Variants in SELENOH observed in about 807,000 individuals in gnomAD.
The protein encoded by SELENOH is selenoprotein H, also known as chromosome 11 open reading frame 31.
In SELENOH, 13 loss-of-function variants were observed where a neutral mutation model predicts 11.9. The ratio of observed to expected loss-of-function variants is 1.09; its 90% CI spans 0.71 to 1.74. The LOEUF (loss-of-function observed/expected upper bound fraction) is 1.74. SELENOH is among the 40% of genes most tolerant of loss of function. SELENOH has a pLI of 0.00. For missense variants in SELENOH, 223 were observed against 170.3 expected (o/e 1.31, Z -1.72); for synonymous variants, 96 against 73.5 (o/e 1.31, Z -1.56).
rs377525426 is a variant in SELENOH, at chr11:57,741,793, C to T, written c.123-16C>T. 1.0e-5 allele frequency: 16 copies of T among 1,603,752 alleles called. No individual in the cohort carries two copies. The highest frequency in any genetic ancestry group is 1.7e-5 in the Admixed American group (1 of 58,492). On this transcript the variant is annotated splice_polypyrimidine_tract_variant and intron_variant, in intron 1 of 3. Coordinates refer to ENST00000534355, the MANE Select transcript of SELENOH (RefSeq NM_170746.4). ...GGCCAGGGGCCCCGGTTTCTAACCTCTCCGTCTCTCCCTAGCACTAGCTGA... is the reference window on the plus strand; with the variant it reads ...GGCCAGGGGCCCCGGTTTCTAACCTTTCCGTCTCTCCCTAGCACTAGCTGA...
intron 2 of SELENOH, 68 bp downstream of exon 2, chr11:57,742,022 A>C: frequency 6.3e-7 from 1 of 1,580,754 alleles, no homozygotes; most frequent in Non-Finnish European, 8.6e-7. Context: ...GAAGACAGGA[A>C]GCGCTATTCT....
rs765595366 is a variant in SELENOH, at chr11:57,741,599, G to C, written c.4G>C (p.Ala2Pro). Reference protein sequence around the residue: MAPRGRKRKAEA... With the variant: MPPRGRKRKAEA... ...TCTCGGCCGGGCTCTAGGCGCCATG[G>C]CTCCCCGCGGGAGGAAGCGTAAGGC... The change falls in exon 1 of 4, where the codon GCT (alanine) becomes CCT (proline). Residue 2 changes from alanine to proline, a missense_variant. By Grantham distance (27) the Ala-to-Pro change is conservative. Transcript: ENST00000534355. The C allele has an allele frequency of 2.4e-6, 3 of 1,269,298 alleles. No individual in the cohort carries two copies. The highest frequency in any genetic ancestry group is 3.1e-5 in the African/African-American group (2 of 65,214). The allele number at this position is 1,269,298 out of a possible 1,614,324, so 78.6% of individuals were successfully genotyped here.
At chr11:57,741,757 GC>G in intron 1 of SELENOH, 40 bp downstream of exon 1, 1 of 1,598,544 alleles carries the variant, frequency 6.3e-7, no homozygotes, top group Non-Finnish European at 8.5e-7. Flanking sequence ...GGGAACAGTG[GC>G]GCCGGGGGGG....
At chr11:57,741,988 G>A (rs1180382774) in intron 2 of SELENOH, 34 bp downstream of exon 2, 28 of 1,578,644 alleles carry the variant, frequency 1.8e-5, no homozygotes, top group Non-Finnish European at 2.2e-5. Context: ...GGAGAGGGAC[G>A]TGGGTGAAAG....
intron 1 of SELENOH, 43 bp from the exon 2 acceptor site, chr11:57,741,766 G>C: frequency 6.2e-7 from 1 of 1,600,694 alleles, no homozygotes; most frequent in Non-Finnish European, 8.5e-7. Flanking sequence ...GGCGCCGGGG[G>C]GGGCCAGGGG....
chr11:57,742,226 G>C lies in SELENOH; in HGVS notation c.*9G>C. ...AGAAGTACCTGTCGTAGGGAGATTT[G>C]GGTAGAAGCCCTCATGCTGAGGTTT... On this transcript the variant is annotated 3_prime_UTR_variant, in exon 3 of 4. Transcript: ENST00000534355. 1.3e-6 allele frequency: 2 copies of C among 1,599,084 alleles called. No individual in the cohort carries two copies. Among genetic ancestry groups the C allele is most frequent in the Non-Finnish European group, 1.7e-6 (2 of 1,171,364 alleles).
At position 57,741,939 on chromosome 11, in the gene SELENOH, C is replaced by T. The variant is rs376962074; in HGVS notation, c.253C>T (p.Arg85Cys). The T allele has an allele frequency of 2.5e-6, 4 of 1,587,946 alleles. No individual in the cohort carries two copies. Among genetic ancestry groups the T allele is most frequent in the Non-Finnish European group, 3.4e-6 (4 of 1,171,718 alleles). The change falls in exon 2 of 4, where the codon CGC becomes TGC. Residue 85 changes from arginine to cysteine, a missense_variant. Transcript: ENST00000534355. ...GGGCAGCTTCGAGGTGACGCTGCTG[C>T]GCCCGGACGGCAGCAGTAAGTGGGG... ...RRGSFEVTLL[R>C]PDGSSAELWT...
rs965802431 is a variant in SELENOH, at chr11:57,741,514, G to A, written c.-82G>A. The A allele has an allele frequency of 1.8e-6, 2 of 1,122,484 alleles. No homozygotes were observed. Among genetic ancestry groups the A allele is most frequent in the African/African-American group, 1.6e-5 (1 of 62,032 alleles). The allele number at this position is 1,122,484 out of a possible 1,614,324, so 69.5% of individuals were successfully genotyped here. ...GCAGAGCTTCCGGGCTGCGCTCTTC[G>A]TTGCCCAGTTTCCGCTCAGTGGTCG... On this transcript the variant is annotated 5_prime_UTR_variant, in exon 1 of 4. Coordinates refer to ENST00000534355, the MANE Select transcript of SELENOH (RefSeq NM_170746.4).
At chr11:57,741,780 C>G (rs760435060) in intron 1 of SELENOH, 29 bp from the exon 2 acceptor site, 12 of 1,601,574 alleles carry the variant, frequency 7.5e-6, no homozygotes, top group Admixed American at 1.7e-5. Context: ...CCAGGGGCCC[C>G]GGTTTCTAAC....
intron 3 of SELENOH, 104 bp downstream of exon 3, chr11:57,742,351 A>G (rs1379044362): frequency 1.1e-5 from 9 of 802,872 alleles, no homozygotes; most frequent in African/African-American, 1.7e-5. Flanking sequence ...TCACGCCTGC[A>G]ATCCCAGCAC....
chr11:57,741,908 C>T lies in SELENOH; in HGVS notation c.222C>T (p.Pro74=), dbSNP rs1489324575. The part of the protein sequence containing the change: ...ELPVKVNPTK[P]RRGSFEVTLL... ...CAGTAAAGGTGAACCCGACGAAGCC[C>T]CGGAGGGGCAGCTTCGAGGTGACGC... The change falls in exon 2 of 4, where the codon CCC becomes CCT. Residue 74 remains proline, a synonymous_variant. Coordinates refer to ENST00000534355, the MANE Select transcript of SELENOH (RefSeq NM_170746.4). 1.9e-6 allele frequency: 3 copies of T among 1,593,736 alleles called. No individual in the cohort carries two copies. The South Asian group carries it at 3.4e-5, about 18-fold the overall frequency.
intron 2 of SELENOH, 21 bp downstream of exon 2, chr11:57,741,975 G>C: frequency 1.3e-6 from 2 of 1,581,340 alleles, no homozygotes; most frequent in African/African-American, 1.4e-5. Context: ...ACCTGGATGT[G>C]GGGGAGAGGG....
At chr11:57,742,278 C>A in intron 3 of SELENOH, 31 bp downstream of exon 3, 1 of 1,456,682 alleles carries the variant, frequency 6.9e-7, no homozygotes, top group East Asian at 2.4e-5. Context: ...GGCGCGACCG[C>A]TGTTGAGGAA....
chr11:57,742,304 T>C, intron 3 of SELENOH, 57 bp downstream of exon 3: 1 of 1,303,710 alleles, frequency 7.7e-7, no homozygotes, highest in Non-Finnish European at 1.1e-6. Context: ...GGCATTGATC[T>C]TGGTGTGGCT....
chr11:57,742,050 T>A, intron 2 of SELENOH, 67 bp from the exon 3 acceptor site: 1 of 1,586,144 alleles, frequency 6.3e-7, no homozygotes, highest in Non-Finnish European at 8.6e-7. Context: ...CACGGCAGTC[T>A]CATGACTTCA....
chr11:57,742,215 T>C lies in SELENOH; in HGVS notation c.367T>C (p.Ter123GlnextTer?). ...GGAAGAGTTGAAGAAGTACCTGTCG[T>C]AGGGAGATTTGGGTAGAAGCCCTCA... ...VVEELKKYLS[*>Q] Residue 123 changes from the stop codon to glutamine (Q), a stop_lost, in exon 3 of 4, where the codon TAG becomes CAG. Coordinates refer to ENST00000534355, the MANE Select transcript of SELENOH (RefSeq NM_170746.4). The C allele has an allele frequency of 6.2e-7, 1 of 1,606,608 alleles. No individual in the cohort carries two copies. The highest frequency in any genetic ancestry group is 8.5e-7 in the Non-Finnish European group (1 of 1,176,398).
intron 2 of SELENOH, 68 bp from the exon 3 acceptor site, chr11:57,742,049 C>T (rs756460310): frequency 1.3e-6 from 2 of 1,585,140 alleles, no homozygotes; most frequent in East Asian, 2.3e-5. Flanking sequence ...CCACGGCAGT[C>T]TCATGACTTC....
At chr11:57,742,072 G>C (rs778734578) in intron 2 of SELENOH, 45 bp from the exon 3 acceptor site, 3 of 1,592,470 alleles carry the variant, frequency 1.9e-6, no homozygotes, top group Non-Finnish European at 1.7e-6. Context: ...AGACGTGCTC[G>C]TGGGTTCCGA....
intron 3 of SELENOH, chr11:57,742,564 C>T: frequency 3.2e-6 from 1 of 312,934 alleles, no homozygotes; most frequent in South Asian, 3.4e-5. Flanking sequence ...TTCATTTATG[C>T]TTATCCCTAC....
Sources: gnomAD v4.1 joint callset for allele counts on GRCh38, gnomAD v4.1.1 for gene constraint, MANE v1.5 for transcripts, NCBI Gene and HGNC (gene_info 2026-07-23, HGNC 2026-07-21) for gene names.